RUNX1: variants seen among roughly 807,000 people sequenced by gnomAD.
The protein encoded by RUNX1 is RUNX family transcription factor 1.
A neutral mutation model predicts 42.8 loss-of-function variants in RUNX1; 19 were observed. The observed-to-expected ratio is 0.44, with a 90% CI of 0.31 to 0.65. The LOEUF (loss-of-function observed/expected upper bound fraction) is 0.65, where lower values mean the gene tolerates loss of function less well. RUNX1 is among the 30% of genes least tolerant of loss of function. The pLI is 0.07. For synonymous variants in RUNX1, 271 were observed against 289.4 expected (o/e 0.94, Z 0.64); for missense variants, 528 against 672.0 (o/e 0.79, Z 2.37).
At chr21:35,008,491 G>C (rs1212473856) in intron 2 of RUNX1, among the ~76,000 whole-genome samples, 1 of 152,224 alleles carries the variant, frequency 6.6e-6, no homozygotes, top group Non-Finnish European at 1.5e-5. Context: ...GCTTGTCTCA[G>C]CTTTGGGCTG....
At chr21:34,856,538 A>T in intron 6 of RUNX1, 1 of 466,334 alleles carries the variant, frequency 2.1e-6, no homozygotes, top group Non-Finnish European at 4.2e-6. Flanking sequence ...GAAGGACAGC[A>T]CAGAAGTAGA....
intron 6 of RUNX1, among the ~76,000 whole-genome samples, chr21:34,858,188 C>A (rs1026184199): frequency 6.6e-6 from 1 of 152,130 alleles, no homozygotes; most frequent in Non-Finnish European, 1.5e-5. Flanking sequence ...AGAAGGTGAC[C>A]CAGATGCCAT....
At chr21:34,878,753 T>C (rs1413173178) in intron 5 of RUNX1, among the ~76,000 whole-genome samples, 1 of 152,150 alleles carries the variant, frequency 6.6e-6, no homozygotes, top group East Asian at 1.9e-4. Flanking sequence ...CAATGAGGGA[T>C]GCAAGATCAG....
chr21:34,969,749 G>A (rs551761847), intron 2 of RUNX1, among the ~76,000 whole-genome samples: 2 of 149,076 alleles, frequency 1.3e-5, no homozygotes, highest in African/African-American at 2.5e-5. Context: ...GATTTACAGC[G>A]CTTTATCAGT....
chr21:34,989,978 A>G (rs2058924049), intron 2 of RUNX1, among the ~76,000 whole-genome samples: 1 of 152,200 alleles, frequency 6.6e-6, no homozygotes, highest in Admixed American at 6.5e-5. Context: ...ACAGGGTGGA[A>G]GGAGGATGAA....
intron 2 of RUNX1, among the ~76,000 whole-genome samples, chr21:35,046,306 A>G: frequency 6.6e-6 from 1 of 151,992 alleles, no homozygotes; most frequent in East Asian, 1.9e-4. Context: ...GCTTGGCTTC[A>G]CTCCTCTCTT....
rs564615146 is a variant in RUNX1, at chr21:35,046,129, C to T, written c.58+2713G>A. On this transcript the variant is annotated intron_variant, in intron 2 of 8. Coordinates refer to ENST00000675419, the MANE Select transcript of RUNX1 (RefSeq NM_001754.5). The stretch of plus-strand genomic sequence containing the variant: ...ACGTTGCACACCGTGTGTGATAATT[C>T]CAGGGAATTTCAATCGCATCTTGTC... Among the ~76,000 whole-genome samples the T allele has an allele frequency of 2.4e-4, 36 of 152,252 alleles. No individual in the cohort carries two copies. The South Asian group carries it at 5.8e-3, about 25-fold the overall frequency.
rs2056413944 is a variant in RUNX1 at position 34,789,893 on chromosome 21, T to C, written c.*2242A>G. ...AAAACATAATTTTTTCCTTCATTTTTCTCCAGCATTTTTGCAGGTCAGACA... is the reference window on the plus strand; with the variant it reads ...AAAACATAATTTTTTCCTTCATTTTCCTCCAGCATTTTTGCAGGTCAGACA... On this transcript the variant is annotated 3_prime_UTR_variant, in exon 9 of 9. Transcript: ENST00000675419. The C allele has an allele frequency of 4.3e-6, 1 of 233,104 alleles. No individual in the cohort carries two copies. Among genetic ancestry groups the C allele is most frequent in the East Asian group, 6.0e-5 (1 of 16,580 alleles). 14.4% of individuals were successfully genotyped at this position (233,104 alleles called of 1,614,324 possible). A position where few individuals can be genotyped will look rare whatever the true frequency, so the allele number is the denominator to read the frequency against.
chr21:34,977,047 T>C (rs546816052), intron 2 of RUNX1, among the ~76,000 whole-genome samples: 2 of 152,354 alleles, frequency 1.3e-5, no homozygotes, highest in African/African-American at 4.8e-5. Flanking sequence ...CAATGGATAT[T>C]CTTTGGAGAA....
intron 8 of RUNX1, among the ~76,000 whole-genome samples, chr21:34,795,976 C>T (rs2056522258): frequency 6.6e-6 from 1 of 152,140 alleles, no homozygotes; most frequent in Non-Finnish European, 1.5e-5. Context: ...AAAGGTGAAT[C>T]CACTGGAAAA....
chr21:34,806,455 A>G (rs940279797), intron 7 of RUNX1, among the ~76,000 whole-genome samples: 1 of 152,222 alleles, frequency 6.6e-6, no homozygotes, highest in Non-Finnish European at 1.5e-5. Context: ...ATATATGTCC[A>G]CCTAAAAACT....
At chr21:34,978,149 A>T (rs926507493) in intron 2 of RUNX1, among the ~76,000 whole-genome samples, 1 of 152,208 alleles carries the variant, frequency 6.6e-6, no homozygotes, top group Non-Finnish European at 1.5e-5. Context: ...CGTGTTAGCC[A>T]GGATGGTCTC....
At chr21:34,834,066 A>T in intron 7 of RUNX1, 1 of 470,664 alleles carries the variant, frequency 2.1e-6, no homozygotes, top group Non-Finnish European at 4.1e-6. Flanking sequence ...CCTAATGGGT[A>T]GGTAAAAAAA....
chr21:34,968,599 A>G (rs2058738092), intron 2 of RUNX1, among the ~76,000 whole-genome samples: 1 of 152,104 alleles, frequency 6.6e-6, no homozygotes, highest in Non-Finnish European at 1.5e-5. Context: ...CTGATTGTCT[A>G]TACTAATATC....
chr21:34,848,413 C>T (rs1381034891), intron 6 of RUNX1, among the ~76,000 whole-genome samples: 1 of 152,214 alleles, frequency 6.6e-6, no homozygotes, highest in Non-Finnish European at 1.5e-5. Context: ...CTTTCTCGCT[C>T]ACCGAGGCTA....
At chr21:34,942,479 C>A (rs558574859) in intron 2 of RUNX1, among the ~76,000 whole-genome samples, 1 of 152,178 alleles carries the variant, frequency 6.6e-6, no homozygotes, top group Non-Finnish European at 1.5e-5. Context: ...CCTTTCTTCC[C>A]TCTGCTCTGA....
intron 6 of RUNX1, among the ~76,000 whole-genome samples, chr21:34,855,586 T>G (rs1464431876): frequency 2.0e-5 from 3 of 152,032 alleles, no homozygotes; most frequent in South Asian, 2.1e-4. Flanking sequence ...GCATCTGTAG[T>G]CCCAGCTCCT....
chr21:34,821,796 G>T, intron 7 of RUNX1: 2 of 1,001,452 alleles, frequency 2.0e-6, no homozygotes, highest in South Asian at 2.6e-5. Flanking sequence ...AGGCGTGAAA[G>T]AATCAAATGA....
At chr21:35,028,830 A>G (rs1422020401) in intron 2 of RUNX1, among the ~76,000 whole-genome samples, 1 of 152,172 alleles carries the variant, frequency 6.6e-6, no homozygotes, top group African/African-American at 2.4e-5. Context: ...GACACTCTCT[A>G]TGGGTCTAGG....
Sources: gnomAD v4.1 joint callset for allele counts (sites outside exome capture counted in the v4.1 genomes callset) on GRCh38, gnomAD v4.1.1 for gene constraint, MANE v1.5 for transcripts, NCBI Gene and HGNC (gene_info 2026-07-23, HGNC 2026-07-21) for gene names.